CNTNAP2: variants seen among roughly 807,000 people sequenced by gnomAD.
CNTNAP2 encodes contactin-associated protein-like 2.
A neutral mutation model predicts 155.2 loss-of-function variants in CNTNAP2; 98 were observed. The observed-to-expected ratio is 0.63, with a 90% CI of 0.54 to 0.75. CNTNAP2 has a LOEUF of 0.75. Ranked by LOEUF, CNTNAP2 falls within the 30% of genes least tolerant of loss-of-function variation. The pLI is 0.00. For synonymous variants in CNTNAP2, 651 were observed against 631.2 expected (o/e 1.03, Z -0.47); for missense variants, 1,727 against 1,688.1 (o/e 1.02, Z -0.40).
intron 1 of CNTNAP2, among the ~76,000 whole-genome samples, chr7:146,709,703 G>A (rs1801029629): frequency 6.6e-6 from 1 of 152,184 alleles, no homozygotes; most frequent in African/African-American, 2.4e-5. Context: ...CTCAAGTAGA[G>A]AAGCTGGATG....
intron 14 of CNTNAP2, among the ~76,000 whole-genome samples, chr7:147,964,786 C>T (rs546856114): frequency 6.6e-6 from 1 of 152,062 alleles, no homozygotes; most frequent in East Asian, 1.9e-4. Flanking sequence ...AAATGGTTCA[C>T]CCTCTAAATT....
At chr7:148,082,042 G>A (rs1009705379) in intron 15 of CNTNAP2, among the ~76,000 whole-genome samples, 3 of 152,044 alleles carry the variant, frequency 2.0e-5, no homozygotes, top group African/African-American at 7.2e-5. Flanking sequence ...GAACTTCTGG[G>A]CTCAAGGGAT....
At chr7:147,770,602 T>C (rs1165975290) in intron 13 of CNTNAP2, among the ~76,000 whole-genome samples, 2 of 152,180 alleles carry the variant, frequency 1.3e-5, no homozygotes, top group African/African-American at 4.8e-5. Context: ...TGAGATTTTT[T>C]TAAAATATCT....
chr7:147,535,657 T>C (rs1427969825), intron 11 of CNTNAP2, among the ~76,000 whole-genome samples: 1 of 152,156 alleles, frequency 6.6e-6, no homozygotes, highest in Non-Finnish European at 1.5e-5. Flanking sequence ...TTTGGAAATA[T>C]CTCCATTTGC....
At chr7:147,470,953 G>C (rs761071801) in intron 10 of CNTNAP2, among the ~76,000 whole-genome samples, 1 of 152,124 alleles carries the variant, frequency 6.6e-6, no homozygotes, top group South Asian at 2.1e-4. Flanking sequence ...AGATTGAGCC[G>C]GCAGCAAAAG....
intron 13 of CNTNAP2, among the ~76,000 whole-genome samples, chr7:147,759,898 C>T (rs997979007): frequency 1.2e-4 from 19 of 152,200 alleles, no homozygotes; most frequent in African/African-American, 4.3e-4. Flanking sequence ...AGATACACCC[C>T]GTAAAAAGGA....
intron 9 of CNTNAP2, among the ~76,000 whole-genome samples, chr7:147,334,982 ATT>A (rs1268238600): frequency 6.6e-6 from 1 of 152,184 alleles, no homozygotes; most frequent in African/African-American, 2.4e-5. Flanking sequence ...ACCACATGCT[ATT>A]ATCCCTATTC....
intron 13 of CNTNAP2, among the ~76,000 whole-genome samples, chr7:147,753,064 C>T (rs371708044): frequency 7.2e-5 from 11 of 152,174 alleles, no homozygotes; most frequent in Non-Finnish European, 7.3e-5. Flanking sequence ...TATCTTGAAG[C>T]GTCAGAATGC....
intron 15 of CNTNAP2, among the ~76,000 whole-genome samples, chr7:147,978,335 G>T (rs553945132): frequency 6.6e-6 from 1 of 152,074 alleles, no homozygotes; most frequent in Non-Finnish European, 1.5e-5. Flanking sequence ...CCATTAGGAT[G>T]ACTATTTATA....
chr7:148,044,884 C>T (rs1374594298), intron 15 of CNTNAP2, among the ~76,000 whole-genome samples: 1 of 152,098 alleles, frequency 6.6e-6, no homozygotes, highest in African/African-American at 2.4e-5. Flanking sequence ...TTGTAGACAA[C>T]ATCTTACTAT....
At chr7:147,710,500 C>T (rs1337953898) in intron 13 of CNTNAP2, among the ~76,000 whole-genome samples, 1 of 152,114 alleles carries the variant, frequency 6.6e-6, no homozygotes, top group East Asian at 1.9e-4. Context: ...GCCTTCAAAC[C>T]TCAGCTTAAG....
intron 10 of CNTNAP2, among the ~76,000 whole-genome samples, chr7:147,414,188 G>A (rs140554825): frequency 0.016 from 2,448 of 152,164 alleles, 65 homozygotes; most frequent in African/African-American, 0.055. Flanking sequence ...ACTTTGGGAG[G>A]CCAAGGCAGG....
intron 11 of CNTNAP2, among the ~76,000 whole-genome samples, chr7:147,517,936 T>C (rs747072846): frequency 6.6e-6 from 1 of 152,212 alleles, no homozygotes; most frequent in Non-Finnish European, 1.5e-5. Context: ...TCTTTTTGTT[T>C]CCTTTTTCTT....
chr7:146,156,566 A>G (rs1441009602), intron 1 of CNTNAP2, among the ~76,000 whole-genome samples: 1 of 152,212 alleles, frequency 6.6e-6, no homozygotes, highest in Non-Finnish European at 1.5e-5. Flanking sequence ...TTTATTCACA[A>G]AGTTCTCCTC....
intron 21 of CNTNAP2, among the ~76,000 whole-genome samples, chr7:148,293,073 AT>A (rs68040605): frequency 0.39 from 57,907 of 148,832 alleles, 11,748 homozygotes; most frequent in East Asian, 0.63. Flanking sequence ...TTGACAAAAA[AT>A]AAATAAAATA....
At chr7:147,246,058 CA>C (rs1323203854) in intron 8 of CNTNAP2, among the ~76,000 whole-genome samples, 1 of 148,672 alleles carries the variant, frequency 6.7e-6, no homozygotes, top group Non-Finnish European at 1.5e-5. Context: ...TATATATACA[CA>C]TATATATGGC....
chr7:147,983,288 T>G (rs909996642), intron 15 of CNTNAP2, among the ~76,000 whole-genome samples: 2 of 152,018 alleles, frequency 1.3e-5, no homozygotes, highest in South Asian at 2.1e-4. Context: ...AGTTCAAAAT[T>G]TATTTATCTC....
At chr7:147,490,862 G>A (rs1798596405) in intron 11 of CNTNAP2, among the ~76,000 whole-genome samples, 1 of 152,164 alleles carries the variant, frequency 6.6e-6, no homozygotes, top group South Asian at 2.1e-4. Context: ...GGGGAAGCAA[G>A]GCCCTTCTTG....
rs76612516 is a variant in CNTNAP2, at chr7:147,396,362, T to C, written c.1670+582T>C. On this transcript the variant is annotated intron_variant, in intron 10 of 23. Transcript: ENST00000361727. ...GTGCCTTCTCTTTCTGTCTCAATCA[T>C]GACTTGGCCTCAGCATGTGCCTTCC... 4.5e-3 allele frequency among the ~76,000 whole-genome samples: 687 copies of C among 151,828 alleles called. 4 individuals carry two copies. The highest frequency in any genetic ancestry group is 0.016 in the African/African-American group (651 of 41,470).
Sources: gnomAD v4.1 joint callset for allele counts (sites outside exome capture counted in the v4.1 genomes callset) on GRCh38, gnomAD v4.1.1 for gene constraint, MANE v1.5 for transcripts, NCBI Gene and HGNC (gene_info 2026-07-23, HGNC 2026-07-21) for gene names.